The following PDE4D variants were observed in gnomAD, a reference collection of about 807,000 sequenced individuals.
PDE4D encodes the protein 3',5'-cyclic-AMP phosphodiesterase 4D.
In PDE4D, 24 loss-of-function variants were observed where a neutral mutation model predicts 87.4. The ratio of observed to expected loss-of-function variants is 0.27; its 90% CI spans 0.20 to 0.39. The LOEUF is 0.39. PDE4D is among the 10% of genes least tolerant of loss of function. The pLI, the probability that PDE4D is intolerant of heterozygous loss-of-function variation, is 1.00. For synonymous variants in PDE4D, 384 were observed against 383.2 expected, an observed-to-expected ratio of 1.00 and a Z score of -0.02; for missense variants, 714 against 1,041.0, an observed-to-expected ratio of 0.69 and a Z score of 4.32.
intron 1 of PDE4D, among the ~76,000 whole-genome samples, chr5:60,192,510 C>T (rs75688609): frequency 0.01 from 1,573 of 152,024 alleles, 38 homozygotes; most frequent in African/African-American, 0.036. Flanking sequence ...AATCTGGAAA[C>T]AATTTAGATG....
At chr5:59,400,475 T>C (rs1249699494) in intron 1 of PDE4D, among the ~76,000 whole-genome samples, 1 of 147,042 alleles carries the variant, frequency 6.8e-6, no homozygotes, top group African/African-American at 2.6e-5. Flanking sequence ...CAGTAAACTA[T>C]TGCAAGAACA....
intron 1 of PDE4D, among the ~76,000 whole-genome samples, chr5:59,508,872 T>G (rs1809762158): frequency 6.6e-6 from 1 of 151,870 alleles, no homozygotes; most frequent in Non-Finnish European, 1.5e-5. Flanking sequence ...CATATATGAA[T>G]GAAACATTCA....
chr5:60,238,017 G>A (rs1270448901), intron 1 of PDE4D, among the ~76,000 whole-genome samples: 1 of 151,758 alleles, frequency 6.6e-6, no homozygotes, highest in Non-Finnish European at 1.5e-5. Context: ...CCTACAATTG[G>A]TGTTTAGGAT....
intron 1 of PDE4D, among the ~76,000 whole-genome samples, chr5:60,429,390 T>C (rs1172088560): frequency 6.6e-6 from 1 of 152,200 alleles, no homozygotes; most frequent in African/African-American, 2.4e-5. Flanking sequence ...GGCAAAACTA[T>C]GGGGTTTTCT....
intron 1 of PDE4D, among the ~76,000 whole-genome samples, chr5:59,807,727 C>A (rs995417446): frequency 6.6e-6 from 1 of 152,242 alleles, no homozygotes; most frequent in Non-Finnish European, 1.5e-5. Context: ...TGAACTTGAT[C>A]TTCCAGGTCT....
chr5:59,576,967 T>C (rs1422863634), intron 1 of PDE4D, among the ~76,000 whole-genome samples: 2 of 152,160 alleles, frequency 1.3e-5, no homozygotes, highest in East Asian at 3.8e-4. Context: ...ATTTGCCCAC[T>C]GTCACATTGC....
chr5:60,240,272 C>G (rs1355837403), intron 1 of PDE4D, among the ~76,000 whole-genome samples: 3 of 152,046 alleles, frequency 2.0e-5, no homozygotes, highest in Non-Finnish European at 2.9e-5. Flanking sequence ...TCCCCCCACC[C>G]CACAGGAACA....
intron 2 of PDE4D, among the ~76,000 whole-genome samples, chr5:59,994,040 T>G (rs189418573): frequency 1.4e-5 from 2 of 139,282 alleles, no homozygotes; most frequent in East Asian, 1.9e-4. Context: ...AATGTTAAAT[T>G]TATTATTATT....
intron 1 of PDE4D, among the ~76,000 whole-genome samples, chr5:59,504,067 C>G (rs1286129125): frequency 6.6e-6 from 1 of 150,906 alleles, no homozygotes; most frequent in Non-Finnish European, 1.5e-5. Flanking sequence ...TTGAAGAATC[C>G]TTGTAGAATG....
intron 1 of PDE4D, among the ~76,000 whole-genome samples, chr5:59,322,818 C>T (rs1824159): frequency 0.14 from 20,950 of 152,044 alleles, 2,044 homozygotes; most frequent in African/African-American, 0.27. Flanking sequence ...TGGGAGATCA[C>T]TGGTCCAAGA....
At chr5:60,422,591 T>C (rs1466990128) in intron 1 of PDE4D, among the ~76,000 whole-genome samples, 1 of 152,120 alleles carries the variant, frequency 6.6e-6, no homozygotes, top group African/African-American at 2.4e-5. Context: ...TGCAAAAACA[T>C]GCCAAATTGT....
At chr5:60,279,486 A>G (rs959776925) in intron 1 of PDE4D, among the ~76,000 whole-genome samples, 4 of 152,112 alleles carry the variant, frequency 2.6e-5, no homozygotes, top group Non-Finnish European at 4.4e-5. Context: ...TAAGCTCCCG[A>G]CATGGCTTTT....
chr5:60,105,736 C>G (rs1269411449), intron 2 of PDE4D, among the ~76,000 whole-genome samples: 1 of 152,082 alleles, frequency 6.6e-6, no homozygotes, highest in Non-Finnish European at 1.5e-5. Context: ...GAATTTTCAA[C>G]CCAGAATTTC....
chr5:59,674,413 T>C (rs1270270226), intron 1 of PDE4D, among the ~76,000 whole-genome samples: 1 of 152,212 alleles, frequency 6.6e-6, no homozygotes, highest in Non-Finnish European at 1.5e-5. Context: ...TAGCATGTCA[T>C]AGGAACTCAG....
At chr5:58,992,372 C>T (rs1308535850) in intron 7 of PDE4D, among the ~76,000 whole-genome samples, 1 of 152,118 alleles carries the variant, frequency 6.6e-6, no homozygotes, top group Non-Finnish European at 1.5e-5. Context: ...ACTTAATGAA[C>T]TGAATATTGT....
intron 1 of PDE4D, among the ~76,000 whole-genome samples, chr5:60,304,850 G>T (rs919192362): frequency 6.6e-6 from 1 of 151,866 alleles, no homozygotes; most frequent in African/African-American, 2.4e-5. Flanking sequence ...AATGGTAATT[G>T]AAATGGCAAC....
At chr5:60,165,229 C>A (rs1336860541) in intron 2 of PDE4D, among the ~76,000 whole-genome samples, 2 of 152,166 alleles carry the variant, frequency 1.3e-5, no homozygotes, top group Non-Finnish European at 2.9e-5. Flanking sequence ...CATATCTTGG[C>A]TATCATAAAA....
intron 1 of PDE4D, among the ~76,000 whole-genome samples, chr5:59,410,991 C>G (rs1324492402): frequency 6.6e-6 from 1 of 152,164 alleles, no homozygotes. Context: ...CTAGTATCCC[C>G]AGGTTAAGAC....
chr5:60,209,944 GTAAT>G (rs1334594594), intron 1 of PDE4D, among the ~76,000 whole-genome samples: 1 of 152,044 alleles, frequency 6.6e-6, no homozygotes, highest in African/African-American at 2.4e-5. Flanking sequence ...TTATTTTTAA[GTAAT>G]TACTTTTCTA....
Sources: allele counts gnomAD v4.1 joint callset (sites outside exome capture counted in the v4.1 genomes callset), GRCh38; gene constraint gnomAD v4.1.1; transcripts MANE v1.5; gene names NCBI Gene and HGNC (gene_info 2026-07-23, HGNC 2026-07-21).